The following ABCA5 variants were observed in gnomAD, a reference collection of about 807,000 sequenced individuals.
The protein encoded by ABCA5 is ATP binding cassette subfamily A member 5.
A neutral mutation model predicts 206.0 loss-of-function variants in ABCA5; 163 were observed. The ratio of observed to expected loss-of-function variants is 0.79; its 90% CI spans 0.70 to 0.90. ABCA5 has a LOEUF of 0.90. Among genes scored for constraint, ABCA5 ranks in the 40% least tolerant of loss-of-function variants. The probability of loss-of-function intolerance (pLI) is 0.00; values close to 1 mark genes in which losing one functional copy is unlikely to be tolerated. For missense variants in ABCA5, 1,859 were observed against 1,912.9 expected (o/e 0.97, Z 0.53); for synonymous variants, 609 against 613.8 (o/e 0.99, Z 0.11).
intron 11 of ABCA5, among the ~76,000 whole-genome samples, chr17:69,294,197 A>C (rs940558688): frequency 5.9e-5 from 9 of 152,122 alleles, no homozygotes; most frequent in African/African-American, 1.9e-4. Context: ...TTTATTTTGA[A>C]TATTAATCAC....
chr17:69,269,631 G>T (rs1168093601), intron 22 of ABCA5, among the ~76,000 whole-genome samples: 2 of 152,090 alleles, frequency 1.3e-5, no homozygotes, highest in African/African-American at 4.8e-5. Flanking sequence ...TAGCCAAAAG[G>T]TGGAAATAAC....
intron 27 of ABCA5, 86 bp from the exon 28 acceptor site, chr17:69,259,883 A>G (rs1269192479): frequency 1.5e-6 from 1 of 683,028 alleles, no homozygotes; most frequent in African/African-American, 1.9e-5. Flanking sequence ...AACTAAGACT[A>G]CATACATCAA....
At chr17:69,293,917 G>T (rs995236107) in intron 11 of ABCA5, among the ~76,000 whole-genome samples, 1 of 150,302 alleles carries the variant, frequency 6.7e-6, no homozygotes, top group Admixed American at 6.7e-5. Context: ...TGGTTCTGGG[G>T]ACTGACTAAC....
At position 69,285,016 on chromosome 17, in the gene ABCA5, A is replaced by G. The variant is rs370466862; in HGVS notation, c.2272+882T>C. Among the ~76,000 whole-genome samples, 83 of 152,240 alleles carry G rather than the reference A, an allele frequency of 5.5e-4. 1 individual carries two copies. In the South Asian group the frequency reaches 0.016, roughly 29 times the overall value. ...TGGAACTGATTTGCCTGGGTTCAAA[A>G]CTCAGCTCCACCACTTTCTACCTGT... On this transcript the variant is annotated intron_variant, in intron 17 of 38. Coordinates refer to ENST00000392676, the MANE Select transcript of ABCA5 (RefSeq NM_172232.4).
At chr17:69,318,720 TG>T in intron 1 of ABCA5, 1 of 595,516 alleles carries the variant, frequency 1.7e-6, no homozygotes, top group East Asian at 3.3e-5. Context: ...TGTGAACCTG[TG>T]GAGTAGACAC....
intron 22 of ABCA5, among the ~76,000 whole-genome samples, chr17:69,268,560 G>A (rs751125851): frequency 2.4e-4 from 37 of 151,788 alleles, no homozygotes; most frequent in Admixed American, 2.0e-3. Context: ...CCCCAATGTC[G>A]TTAGCTTCCC....
Position 69,259,773 on chromosome 17 carries a change from T to C in ABCA5, c.3664A>G (p.Ile1222Val), listed in dbSNP as rs2075125531. 4 of 1,607,844 alleles carry C rather than the reference T, an allele frequency of 2.5e-6. No individual in the cohort carries two copies. The highest frequency in any genetic ancestry group is 1.7e-6 in the Non-Finnish European group (2 of 1,175,470). Reference protein sequence around the residue: ...ISPYLQCVLWIFLLQYYEKKY... With the variant: ...ISPYLQCVLWVFLLQYYEKKY... ...TTCTCATAGTATTGTAAGAGGAAAA[T>C]CCACAGTACACACTGCAGGTAAGGC... is the stretch of plus-strand genomic sequence containing the variant. The change falls in exon 28 of 39, where the codon ATT becomes GTT. Residue 1222 changes from isoleucine to valine, a missense_variant. Ile to Val is a conservative substitution (Grantham distance 29). Transcript: ENST00000392676.
At chr17:69,290,407 T>C (rs1180523394) in intron 12 of ABCA5, among the ~76,000 whole-genome samples, 1 of 152,152 alleles carries the variant, frequency 6.6e-6, no homozygotes, top group African/African-American at 2.4e-5. Flanking sequence ...TGTGTGGTCA[T>C]GGCCAAATTA....
intron 20 of ABCA5, 86 bp downstream of exon 20, chr17:69,273,873 T>C (rs1598166378): frequency 7.7e-7 from 1 of 1,301,996 alleles, no homozygotes; most frequent in Non-Finnish European, 1.0e-6. Flanking sequence ...TTACCTTAAA[T>C]ATAGTTTTAA....
At chr17:69,283,651 T>C (rs1262483634) in intron 18 of ABCA5, among the ~76,000 whole-genome samples, 1 of 152,136 alleles carries the variant, frequency 6.6e-6, no homozygotes, top group Non-Finnish European at 1.5e-5. Flanking sequence ...GCAGTTGCAG[T>C]TCTTTATCTG....
chr17:69,293,882 G>T (rs1267379821), intron 11 of ABCA5, among the ~76,000 whole-genome samples: 63 of 71,924 alleles, frequency 8.8e-4, no homozygotes, highest in African/African-American at 2.1e-3. Context: ...GCGTGTGTGT[G>T]TGTTTGTGTG....
intron 1 of ABCA5, chr17:69,317,704 C>T (rs2075830067): frequency 4.6e-5 from 7 of 152,144 alleles, no homozygotes; most frequent in Admixed American, 4.6e-4. Flanking sequence ...AATCATTGTA[C>T]CTATCACAGG....
chr17:69,303,244 T>C (rs2075670642), intron 7 of ABCA5, among the ~76,000 whole-genome samples: 1 of 151,994 alleles, frequency 6.6e-6, no homozygotes, highest in South Asian at 2.1e-4. Flanking sequence ...CAGCCTCCCG[T>C]GTAGCTGGGA....
Position 69,286,241 on chromosome 17 carries a change from C to A in ABCA5, c.2112G>T (p.Trp704Cys). 1.2e-6 allele frequency: 2 copies of A among 1,601,154 alleles called. No individual in the cohort carries two copies. Among genetic ancestry groups the A allele is most frequent in the Non-Finnish European group, 1.7e-6 (2 of 1,176,780 alleles). Residue 704 changes from tryptophan to cysteine, a missense_variant, in exon 16 of 39, where the codon TGG becomes TGT. By Grantham distance (215) the Trp-to-Cys change is radical. Coordinates refer to ENST00000392676, the MANE Select transcript of ABCA5 (RefSeq NM_172232.4). ...VGSSMFLKSK[W>C]GIGYRLSMYI... ...GATACCTCAGGCGGTAGCCGATCCC[C>A]CATTTACTTTTGAGGAACATTGAAG...
chr17:69,281,518 G>A (rs1046929155), intron 18 of ABCA5, among the ~76,000 whole-genome samples: 1 of 152,046 alleles, frequency 6.6e-6, no homozygotes, highest in Non-Finnish European at 1.5e-5. Flanking sequence ...TCAAAAGAAG[G>A]AGAAACTACA....
chr17:69,256,224 T>A lies in ABCA5; in HGVS notation c.3791A>T (p.Glu1264Val). 1 of 1,610,886 alleles carries A rather than the reference T, an allele frequency of 6.2e-7. No individual in the cohort carries two copies. Among genetic ancestry groups the A allele is most frequent in the Non-Finnish European group, 8.5e-7 (1 of 1,178,168 alleles). ...TCTTTCAGCTTTGACATCTTCATCT[T>A]CATCCTCATTGTCTGGTGGTTCTGG... ...KLPEPPDNED[E>V]DEDVKAERLK... The change falls in exon 29 of 39, where the codon GAA becomes GTA. Residue 1264 changes from glutamate (E) to valine (V), a missense_variant. Transcript: ENST00000392676.
intron 37 of ABCA5, 86 bp downstream of exon 37, chr17:69,249,819 C>T: frequency 2.1e-6 from 3 of 1,430,054 alleles, no homozygotes; most frequent in South Asian, 2.9e-5. Context: ...AACTACTTAC[C>T]TTCTTCCAGC....
At chr17:69,325,856 C>G (rs1298626356) in intron 1 of ABCA5, 1 of 151,992 alleles carries the variant, frequency 6.6e-6, no homozygotes, top group Non-Finnish European at 1.5e-5. Flanking sequence ...ATGGAATGTA[C>G]TAATAAATTT....
intron 29 of ABCA5, 46 bp downstream of exon 29, chr17:69,256,111 T>C (rs1456385756): frequency 1.3e-6 from 2 of 1,506,638 alleles, no homozygotes; most frequent in Non-Finnish European, 1.8e-6. Context: ...TACCGGGAAT[T>C]GATCATTTCA....
Sources: gnomAD v4.1 joint callset for allele counts (sites outside exome capture counted in the v4.1 genomes callset) on GRCh38, gnomAD v4.1.1 for gene constraint, MANE v1.5 for transcripts, NCBI Gene and HGNC (gene_info 2026-07-23, HGNC 2026-07-21) for gene names.